The following SLC25A26 variants were observed in gnomAD, a reference collection of about 807,000 sequenced individuals.
SLC25A26 encodes mitochondrial S-adenosylmethionine carrier protein.
Under a neutral mutation model 37.8 loss-of-function variants are expected in SLC25A26, and 36 were observed. The observed-to-expected ratio is 0.95, with a 90% CI of 0.73 to 1.26. The LOEUF is 1.26. Among genes scored for constraint, SLC25A26 ranks in the 50% most tolerant of loss-of-function variants. The probability of loss-of-function intolerance (pLI) is 0.00; values close to 1 mark genes in which losing one functional copy is unlikely to be tolerated. For synonymous variants in SLC25A26, 129 were observed against 122.5 expected (o/e 1.05, Z -0.35); for missense variants, 390 against 331.1 (o/e 1.18, Z -1.38).
chr3:66,334,410 G>A (rs1575580942), intron 5 of SLC25A26, among the ~76,000 whole-genome samples: 2 of 152,274 alleles, frequency 1.3e-5, no homozygotes, highest in Middle Eastern at 3.4e-3. Context: ...CATCTCCTGG[G>A]TTCCAGTGAC....
chr3:66,250,749 G>C (rs913296178), intron 3 of SLC25A26, among the ~76,000 whole-genome samples: 3 of 152,104 alleles, frequency 2.0e-5, no homozygotes, highest in Admixed American at 2.0e-4. Context: ...GGTTTTCTCC[G>C]GACTGGGGTA....
intron 1 of SLC25A26, among the ~76,000 whole-genome samples, chr3:66,145,878 TAATTGTTTTGA>T (rs2070107585): frequency 6.8e-6 from 1 of 148,026 alleles, no homozygotes; most frequent in African/African-American, 2.5e-5. Context: ...AATTATTTTG[TAATTGTTTTGA>T]AAAAAAGCAA....
At chr3:66,338,862 G>A (rs544408576) in intron 5 of SLC25A26, among the ~76,000 whole-genome samples, 2 of 151,974 alleles carry the variant, frequency 1.3e-5, no homozygotes, top group East Asian at 3.9e-4. Context: ...ATTTTACCTG[G>A]CATGGTGTTT....
intron 5 of SLC25A26, among the ~76,000 whole-genome samples, chr3:66,271,265 C>G (rs1277348318): frequency 6.6e-6 from 1 of 152,108 alleles, no homozygotes; most frequent in Admixed American, 6.5e-5. Flanking sequence ...ACAATGGTTT[C>G]ACCAAAAAAG....
chr3:66,346,147 C>T (rs2076317260), intron 5 of SLC25A26, among the ~76,000 whole-genome samples: 1 of 152,122 alleles, frequency 6.6e-6, no homozygotes, highest in Admixed American at 6.5e-5. Flanking sequence ...GATCTGTCAG[C>T]CTGAGTGACA....
intron 5 of SLC25A26, among the ~76,000 whole-genome samples, chr3:66,313,462 C>G (rs1043707368): frequency 1.3e-5 from 2 of 152,084 alleles, no homozygotes; most frequent in African/African-American, 4.8e-5. Context: ...GTTCTTTATT[C>G]TATTCCATTG....
chr3:66,146,406 A>T (rs1025273531), intron 1 of SLC25A26, among the ~76,000 whole-genome samples: 1 of 152,044 alleles, frequency 6.6e-6, no homozygotes, highest in Non-Finnish European at 1.5e-5. Context: ...ACCTGTGTGT[A>T]TATGTATTTA....
At chr3:66,325,045 T>C (rs1183190578) in intron 5 of SLC25A26, among the ~76,000 whole-genome samples, 3 of 152,160 alleles carry the variant, frequency 2.0e-5, no homozygotes, top group Non-Finnish European at 4.4e-5. Context: ...AGAGGGTCCT[T>C]CTGAGAGAAA....
intron 1 of SLC25A26, among the ~76,000 whole-genome samples, chr3:66,165,731 T>C (rs2070416089): frequency 6.6e-6 from 1 of 152,156 alleles, no homozygotes; most frequent in Non-Finnish European, 1.5e-5. Flanking sequence ...TAAGGCTCAA[T>C]TCTTTGTTCT....
At chr3:66,243,160 T>C in intron 2 of SLC25A26, 43 bp from the exon 3 acceptor site, 1 of 924,998 alleles carries the variant, frequency 1.1e-6, no homozygotes, top group Admixed American at 1.9e-5. Context: ...AGTGTGAATA[T>C]ATGTTTAAAC....
At chr3:66,300,263 T>TG (rs1479801076) in intron 5 of SLC25A26, among the ~76,000 whole-genome samples, 14 of 149,972 alleles carry the variant, frequency 9.3e-5, no homozygotes, top group Admixed American at 9.3e-4. Context: ...TTTGTTTTTT[T>TG]TTTTTTTTTT....
At chr3:66,243,841 G>C (rs1011150957) in intron 3 of SLC25A26, among the ~76,000 whole-genome samples, 1 of 152,092 alleles carries the variant, frequency 6.6e-6, no homozygotes, top group African/African-American at 2.4e-5. Flanking sequence ...TTGGCTTCCA[G>C]CTCCTCCAGC....
chr3:66,201,087 C>T (rs939660448), intron 1 of SLC25A26, among the ~76,000 whole-genome samples: 26 of 152,238 alleles, frequency 1.7e-4, no homozygotes, highest in Admixed American at 1.3e-3. Flanking sequence ...TGTTCTTTGT[C>T]ATAATCATTG....
At chr3:66,289,594 G>A (rs1258177832) in intron 5 of SLC25A26, among the ~76,000 whole-genome samples, 1 of 151,956 alleles carries the variant, frequency 6.6e-6, no homozygotes, top group African/African-American at 2.4e-5. Context: ...TTCCCCCATT[G>A]CTTTTTTCAG....
intron 1 of SLC25A26, among the ~76,000 whole-genome samples, chr3:66,178,165 A>G (rs1005324845): frequency 6.6e-6 from 1 of 152,220 alleles, no homozygotes; most frequent in African/African-American, 2.4e-5. Flanking sequence ...GCCTGCTACT[A>G]GCTGTTGTCC....
At chr3:66,293,350 G>A (rs1385336030) in intron 5 of SLC25A26, 2 of 151,830 alleles carry the variant, frequency 1.3e-5, no homozygotes, top group Non-Finnish European at 2.9e-5. Context: ...CACCCCTTTG[G>A]GGTTGGGATT....
intron 1 of SLC25A26, among the ~76,000 whole-genome samples, chr3:66,173,619 C>G (rs775021760): frequency 2.6e-5 from 4 of 152,178 alleles, no homozygotes; most frequent in Admixed American, 6.5e-5. Flanking sequence ...CCTTGAGTAG[C>G]ATTTGATCCA....
chr3:66,329,792 G>A (rs531281934), intron 5 of SLC25A26, among the ~76,000 whole-genome samples: 2 of 152,084 alleles, frequency 1.3e-5, no homozygotes, highest in East Asian at 3.9e-4. Flanking sequence ...CGAACTCCTG[G>A]CCTCAATCCA....
At chr3:66,145,154 C>T (rs1027618699) in intron 1 of SLC25A26, among the ~76,000 whole-genome samples, 11 of 152,154 alleles carry the variant, frequency 7.2e-5, no homozygotes, top group Admixed American at 7.2e-4. Flanking sequence ...CCCCTGTCTT[C>T]TCTGAGCAAT....
Sources: gnomAD v4.1 joint callset for allele counts (sites outside exome capture counted in the v4.1 genomes callset) on GRCh38, gnomAD v4.1.1 for gene constraint, MANE v1.5 for transcripts, NCBI Gene and HGNC (gene_info 2026-07-23, HGNC 2026-07-21) for gene names.